MMP16: variants seen among roughly 807,000 people sequenced by gnomAD.
The protein encoded by MMP16 is matrix metalloproteinase-16.
MMP16 carries 12 observed loss-of-function variants against 67.8 expected under a neutral mutation model. The observed-to-expected ratio is 0.18, with a 90% CI of 0.11 to 0.29. MMP16 has a LOEUF of 0.29. Among genes scored for constraint, MMP16 ranks in the 10% least tolerant of loss-of-function variants. The pLI is 1.00. For synonymous variants in MMP16, 249 were observed against 255.9 expected, an observed-to-expected ratio of 0.97 and a Z score of 0.26; for missense variants, 475 against 765.7, an observed-to-expected ratio of 0.62 and a Z score of 4.48.
At chr8:88,124,621 G>A (rs1192179543) in intron 4 of MMP16, among the ~76,000 whole-genome samples, 2 of 151,906 alleles carry the variant, frequency 1.3e-5, no homozygotes, top group Admixed American at 1.3e-4. Context: ...TGCTGCACAG[G>A]AGCTCTTTGT....
chr8:88,078,483 A>T (rs1268564790), intron 6 of MMP16, among the ~76,000 whole-genome samples: 1 of 152,144 alleles, frequency 6.6e-6, no homozygotes, highest in Non-Finnish European at 1.5e-5. Flanking sequence ...AACTATATGG[A>T]AAAGGCCTAC....
intron 6 of MMP16, among the ~76,000 whole-genome samples, chr8:88,108,333 T>C (rs9297422): frequency 0.22 from 32,997 of 151,126 alleles, 3,779 homozygotes; most frequent in Middle Eastern, 0.26. Context: ...CCCTCTTTTT[T>C]TCCTGCTAAT....
At chr8:88,144,211 G>A (rs1471730396) in intron 4 of MMP16, among the ~76,000 whole-genome samples, 1 of 151,896 alleles carries the variant, frequency 6.6e-6, no homozygotes, top group African/African-American at 2.4e-5. Context: ...TGTCCCGAAT[G>A]AGTAAACATA....
chr8:88,116,073 C>T (rs1365543897), intron 6 of MMP16, among the ~76,000 whole-genome samples: 1 of 152,106 alleles, frequency 6.6e-6, no homozygotes, highest in East Asian at 1.9e-4. Context: ...GATCAATGCT[C>T]TTCCTGTAAA....
At chr8:88,096,318 G>A (rs1165265380) in intron 6 of MMP16, among the ~76,000 whole-genome samples, 1 of 151,878 alleles carries the variant, frequency 6.6e-6, no homozygotes, top group Non-Finnish European at 1.5e-5. Flanking sequence ...CAGAGTTTTA[G>A]ATAATATATC....
At chr8:88,283,961 C>T (rs1283567408) in intron 1 of MMP16, among the ~76,000 whole-genome samples, 1 of 152,158 alleles carries the variant, frequency 6.6e-6, no homozygotes, top group Non-Finnish European at 1.5e-5. Flanking sequence ...TATATTTGAG[C>T]ATTGAATAAA....
chr8:88,301,994 A>G (rs546383243), intron 1 of MMP16, among the ~76,000 whole-genome samples: 18 of 152,326 alleles, frequency 1.2e-4, no homozygotes, highest in Admixed American at 3.3e-4. Context: ...GACCATTATT[A>G]TGATGCCAGA....
intron 4 of MMP16, among the ~76,000 whole-genome samples, chr8:88,157,803 T>C (rs1808537726): frequency 6.6e-6 from 1 of 152,112 alleles, no homozygotes; most frequent in Non-Finnish European, 1.5e-5. Context: ...GCATATCTCA[T>C]AGTGCTATGC....
intron 4 of MMP16, among the ~76,000 whole-genome samples, chr8:88,136,647 T>C (rs917753952): frequency 6.6e-6 from 1 of 151,392 alleles, no homozygotes; most frequent in Non-Finnish European, 1.5e-5. Context: ...ATATTAATTA[T>C]ATATTAAATG....
chr8:88,179,115 A>T (rs1448858659), intron 3 of MMP16, among the ~76,000 whole-genome samples: 1 of 152,038 alleles, frequency 6.6e-6, no homozygotes, highest in African/African-American at 2.4e-5. Context: ...TGAGAACATG[A>T]AACAGTATAA....
At chr8:88,149,193 C>T (rs1343808466) in intron 4 of MMP16, among the ~76,000 whole-genome samples, 2 of 152,246 alleles carry the variant, frequency 1.3e-5, no homozygotes, top group Non-Finnish European at 2.9e-5. Flanking sequence ...TATCCCACAC[C>T]TGGCTCGGAG....
intron 8 of MMP16, among the ~76,000 whole-genome samples, chr8:88,052,072 A>G (rs867074880): frequency 6.6e-6 from 1 of 152,180 alleles, no homozygotes; most frequent in Non-Finnish European, 1.5e-5. Flanking sequence ...AAGATTTCAC[A>G]TGGACTCCTG....
intron 4 of MMP16, among the ~76,000 whole-genome samples, chr8:88,126,719 T>A (rs1235451193): frequency 6.6e-6 from 1 of 151,822 alleles, no homozygotes; most frequent in Non-Finnish European, 1.5e-5. Flanking sequence ...ATAAAAGACA[T>A]ACCGTATTTA....
chr8:88,151,770 C>G (rs981469818), intron 4 of MMP16, among the ~76,000 whole-genome samples: 6 of 150,488 alleles, frequency 4.0e-5, no homozygotes, highest in African/African-American at 1.5e-4. Context: ...AGGAAAGATC[C>G]AAAATTGACA....
rs71556442 is a variant in MMP16 at position 88,075,938 on chromosome 8, TACACACAC to T, written c.1084-1203_1084-1196del. 3.8e-4 allele frequency among the ~76,000 whole-genome samples: 53 copies of T among 140,490 alleles called. 1 individual carries two copies. The highest frequency in any genetic ancestry group is 3.0e-3 in the South Asian group (13 of 4,326). 92.2% of individuals were successfully genotyped at this position (140,490 alleles called of 152,430 possible). A position where few individuals can be genotyped will look rare whatever the true frequency, so the allele number is the denominator to read the frequency against. On this transcript the variant is annotated intron_variant, in intron 6 of 9. Coordinates refer to ENST00000286614, the MANE Select transcript of MMP16 (RefSeq NM_005941.5). ...GATTTATCAATTACTCATATATTCA[TACACACAC>T]ACACACACACACACACACACACACA...
At position 88,050,240 on chromosome 8, in the gene MMP16, T is replaced by C. The variant is rs979679849; in HGVS notation, c.1374-3456A>G. On this transcript the variant is annotated intron_variant, in intron 8 of 9. Transcript: ENST00000286614. ...CGGGAGGCTGAGGCAGGAGAATCGCTTGAACCCAGGAGGCGAAGGTTGCAG... is the reference window on the plus strand; with the variant it reads ...CGGGAGGCTGAGGCAGGAGAATCGCCTGAACCCAGGAGGCGAAGGTTGCAG... 1.1e-4 allele frequency among the ~76,000 whole-genome samples: 16 copies of C among 152,086 alleles called. 1 individual carries two copies. The highest frequency in any genetic ancestry group is 3.9e-4 in the African/African-American group (16 of 41,402).
chr8:88,081,438 C>A (rs1563526150), intron 6 of MMP16, among the ~76,000 whole-genome samples: 1 of 152,030 alleles, frequency 6.6e-6, no homozygotes, highest in African/African-American at 2.4e-5. Flanking sequence ...CCAATCACAG[C>A]CATAATTACT....
chr8:88,177,699 T>C (rs959736645), intron 3 of MMP16, among the ~76,000 whole-genome samples: 8 of 152,314 alleles, frequency 5.3e-5, no homozygotes, highest in African/African-American at 1.9e-4. Flanking sequence ...CATTATCTGA[T>C]CTAGCTTAAA....
intron 6 of MMP16, among the ~76,000 whole-genome samples, chr8:88,114,429 A>G (rs1809394651): frequency 6.6e-6 from 1 of 151,936 alleles, no homozygotes; most frequent in Non-Finnish European, 1.5e-5. Context: ...CAGTGTCATT[A>G]CTTTTACTCT....
Sources: gnomAD v4.1 joint callset for allele counts (sites outside exome capture counted in the v4.1 genomes callset) on GRCh38, gnomAD v4.1.1 for gene constraint, MANE v1.5 for transcripts, NCBI Gene and HGNC (gene_info 2026-07-23, HGNC 2026-07-21) for gene names.